Variants in PCMTD2 observed in about 807,000 individuals in gnomAD.
The protein encoded by PCMTD2 is protein-L-isoaspartate (D-aspartate) O-methyltransferase domain containing 2, also known as protein-L-isoaspartate O-methyltransferase domain-containing protein 2.
PCMTD2 carries 16 observed loss-of-function variants against 33.4 expected under a neutral mutation model. That is an observed-to-expected ratio of 0.48 (90% CI 0.32 to 0.73). PCMTD2 has a LOEUF of 0.73. Among genes scored for constraint, PCMTD2 ranks in the 30% least tolerant of loss-of-function variants. The pLI is 0.03. For synonymous variants in PCMTD2, 161 were observed against 160.8 expected, an observed-to-expected ratio of 1.00 and a Z score of -0.01; for missense variants, 374 against 449.9, an observed-to-expected ratio of 0.83 and a Z score of 1.53.
At chr20:64,267,290 G>C (rs1985702550) in intron 4 of PCMTD2, among the ~76,000 whole-genome samples, 1 of 152,144 alleles carries the variant, frequency 6.6e-6, no homozygotes, top group Non-Finnish European at 1.5e-5. Flanking sequence ...GTGCTTTCGT[G>C]GGGGTGATAT....
intron 4 of PCMTD2, among the ~76,000 whole-genome samples, chr20:64,267,019 T>C (rs755020785): frequency 9.9e-5 from 15 of 152,246 alleles, no homozygotes; most frequent in Admixed American, 6.5e-4. Flanking sequence ...CTTTTAGTTA[T>C]AAGATTCATG....
chr20:64,260,363 TG>T lies in PCMTD2; in HGVS notation c.307+94del. On this transcript the variant is annotated intron_variant, in intron 2 of 5. Coordinates refer to ENST00000308824, the MANE Select transcript of PCMTD2 (RefSeq NM_018257.3). ...AAATGTAGTCTGCTAATGGCCTGCC[TG>T]GGTCGAGACCGCAGCCTTCCCAGTA... is the stretch of plus-strand genomic sequence containing the variant. 3 of 882,198 alleles carry T rather than the reference TG, an allele frequency of 3.4e-6. No homozygotes were observed. The East Asian group carries it at 7.2e-5, about 21-fold the overall frequency. 54.6% of individuals were successfully genotyped at this position (882,198 alleles called of 1,614,324 possible).
In PCMTD2 at chr20:64,276,071, G is replaced by A. The variant is rs1986082958; in HGVS notation, c.*2471G>A. 6.6e-6 allele frequency: 1 copy of A among 152,082 alleles called. No homozygotes were observed. The allele number at this position is 152,082 out of a possible 1,614,324, so 9.4% of individuals were successfully genotyped here. The stretch of plus-strand genomic sequence containing the variant: ...GTGTAGGATTCCAATTCTTGAATAT[G>A]TTCTTTTCAAAATCTTAAGAAAAGA... On this transcript the variant is annotated 3_prime_UTR_variant, in exon 6 of 6. Coordinates refer to ENST00000308824, the MANE Select transcript of PCMTD2 (RefSeq NM_018257.3).
At chr20:64,259,134 AG>A (rs1264395237) in intron 1 of PCMTD2, among the ~76,000 whole-genome samples, 5 of 152,234 alleles carry the variant, frequency 3.3e-5, no homozygotes, top group Admixed American at 2.0e-4. Context: ...AAGTTCTGGT[AG>A]CAGCCCCTCC....
chr20:64,265,427 A>G lies in PCMTD2; in HGVS notation c.580A>G (p.Lys194Glu), dbSNP rs781463861. The G allele has an allele frequency of 6.2e-7, 1 of 1,609,540 alleles. No homozygotes were observed. Among genetic ancestry groups the G allele is most frequent in the Non-Finnish European group, 8.5e-7 (1 of 1,177,328 alleles). ...GGILVMPLEEKLTKITRTGPS... is the reference protein window; with the variant it reads ...GGILVMPLEEELTKITRTGPS... Reference sequence around the variant, plus strand: ...GATCCTTGTCATGCCACTGGAAGAGAAGGTCAGATTCCCTTCATAACTGAC... The same window carrying G: ...GATCCTTGTCATGCCACTGGAAGAGGAGGTCAGATTCCCTTCATAACTGAC... The change falls in exon 4 of 6, where the codon AAG (lysine) becomes GAG (glutamate). Residue 194 changes from lysine (K) to glutamate (E), a missense_variant and splice_region_variant. Lys to Glu is a moderately conservative substitution (Grantham distance 56). Transcript: ENST00000308824.
intron 2 of PCMTD2, among the ~76,000 whole-genome samples, chr20:64,263,776 C>T (rs1375136580): frequency 2.0e-5 from 3 of 152,122 alleles, no homozygotes; most frequent in South Asian, 2.1e-4. Flanking sequence ...TTGCCTTTGT[C>T]GGCAAAGATG....
At chr20:64,258,163 GC>G (rs778981473) in intron 1 of PCMTD2, among the ~76,000 whole-genome samples, 2 of 152,214 alleles carry the variant, frequency 1.3e-5, no homozygotes, top group Non-Finnish European at 2.9e-5. Flanking sequence ...CGATTTTCCA[GC>G]TCTTTTCCTA....
At position 64,268,008 on chromosome 20, in the gene PCMTD2, T is replaced by C; in HGVS notation, c.704T>C (p.Leu235Ser). 6.2e-7 allele frequency: 1 copy of C among 1,608,086 alleles called. No homozygotes were observed. Among genetic ancestry groups the C allele is most frequent in the Non-Finnish European group, 8.5e-7 (1 of 1,175,636 alleles). The change falls in exon 5 of 6, where the codon TTA becomes TCA. Residue 235 changes from leucine to serine, a missense_variant and splice_region_variant. Physicochemically the swap from Leu to Ser is moderately radical, Grantham distance 145. Coordinates refer to ENST00000308824, the MANE Select transcript of PCMTD2 (RefSeq NM_018257.3). Reference protein sequence around the residue: ...SESGKSRLVQLPPVAVRSLQD... With the variant: ...SESGKSRLVQSPPVAVRSLQD... ...TCAGGAAAATCAAGACTTGTCCAGT[T>C]ACGTAAGTATACCAATCTTTACTTA... is the stretch of plus-strand genomic sequence containing the variant.
rs1166561445 is a variant in PCMTD2, at chr20:64,256,014, C to T, written c.-25+144C>T. 2.0e-5 allele frequency: 3 copies of T among 152,298 alleles called. No individual in the cohort carries two copies. In the East Asian group the frequency reaches 5.8e-4, roughly 30 times the overall value. 9.4% of individuals were successfully genotyped at this position (152,298 alleles called of 1,614,324 possible). A position where few individuals can be genotyped will look rare whatever the true frequency, so the allele number is the denominator to read the frequency against. ...CCTCTGGGGGCGTCGCTCCTCCCCA[C>T]CTCGGGCACCCTCACCTCCCCCCAG... On this transcript the variant is annotated intron_variant, in intron 1 of 5. Coordinates refer to ENST00000308824, the MANE Select transcript of PCMTD2 (RefSeq NM_018257.3).
At chr20:64,270,040 TGA>T (rs1985837779) in intron 5 of PCMTD2, among the ~76,000 whole-genome samples, 3 of 108,900 alleles carry the variant, frequency 2.8e-5, no homozygotes, top group South Asian at 3.3e-4. Flanking sequence ...TGGGGTTGTG[TGA>T]GTGCATGGCG....
chr20:64,257,497 C>T (rs1055619546), intron 1 of PCMTD2, among the ~76,000 whole-genome samples: 1 of 152,164 alleles, frequency 6.6e-6, no homozygotes, highest in Non-Finnish European at 1.5e-5. Context: ...TTGGATTTGA[C>T]CAGATTGTAG....
rs1326775439 is a variant in PCMTD2 at position 64,275,865 on chromosome 20, G to T, written c.*2265G>T. ...TAGACTTGTGCAAAACAAGTTTCAA[G>T]TTTATAGATATTAAGTTTGTAATGT... is the stretch of plus-strand genomic sequence containing the variant. On this transcript the variant is annotated 3_prime_UTR_variant, in exon 6 of 6. Transcript: ENST00000308824. 4 of 152,146 alleles carry T rather than the reference G, an allele frequency of 2.6e-5. No individual in the cohort carries two copies. Among genetic ancestry groups the T allele is most frequent in the African/African-American group, 9.7e-5 (4 of 41,428 alleles). The allele number at this position is 152,146 out of a possible 1,614,324, so 9.4% of individuals were successfully genotyped here.
chr20:64,269,019 G>T (rs1985774111), intron 5 of PCMTD2, among the ~76,000 whole-genome samples: 2 of 152,224 alleles, frequency 1.3e-5, no homozygotes, highest in Admixed American at 6.5e-5. Context: ...ACCAGCAGTG[G>T]CAGGACATAA....
intron 5 of PCMTD2, chr20:64,272,172 T>G (rs1368217831): frequency 2.1e-6 from 1 of 486,070 alleles, no homozygotes; most frequent in African/African-American, 2.0e-5. Flanking sequence ...CAAGCCTGTT[T>G]GAGGGTTTCT....
chr20:64,261,602 G>GT (rs11474881), intron 2 of PCMTD2, among the ~76,000 whole-genome samples: 20 of 150,190 alleles, frequency 1.3e-4, no homozygotes, highest in East Asian at 4.0e-4. Flanking sequence ...TGATAATTTT[G>GT]TTTTTTTTTT....
chr20:64,273,114 A>T lies in PCMTD2; in HGVS notation c.707-107A>T, dbSNP rs1985972650. 1.9e-5 allele frequency: 17 copies of T among 874,560 alleles called. No individual in the cohort carries two copies. The South Asian group carries it at 2.7e-4, about 14-fold the overall frequency. 54.2% of individuals were successfully genotyped at this position (874,560 alleles called of 1,614,324 possible). On this transcript the variant is annotated intron_variant, in intron 5 of 5. Transcript: ENST00000308824. ...GCTCTCATATTCTTGTAACATATTC[A>T]TAAATTTGCCAGTTAATTGAAATGA...
At chr20:64,270,551 G>A (rs1985872669) in intron 5 of PCMTD2, among the ~76,000 whole-genome samples, 1 of 152,120 alleles carries the variant, frequency 6.6e-6, no homozygotes, top group South Asian at 2.1e-4. Flanking sequence ...GGCGTGCATG[G>A]TGTGGGATCG....
rs773551504 is a variant in PCMTD2 at position 64,273,255 on chromosome 20, T to A, written c.741T>A (p.Ala247=). Residue 247 remains alanine (A), a synonymous_variant, in exon 6 of 6, where the codon GCT becomes GCA. Transcript: ENST00000308824. ...PVAVRSLQDL[A]RIAIRGTIKK... ...CAGTTCGCAGCCTCCAGGACTTGGC[T>A]CGCATCGCCATCCGGGGCACCATTA... 30 of 1,613,972 alleles carry A rather than the reference T, an allele frequency of 1.9e-5. No homozygotes were observed. Among genetic ancestry groups the A allele is most frequent in the Non-Finnish European group, 2.5e-5 (30 of 1,179,974 alleles).
At position 64,260,162 on chromosome 20, in the gene PCMTD2, C is replaced by G; in HGVS notation, c.197C>G (p.Pro66Arg). The change falls in exon 2 of 6, where the codon CCG (proline) becomes CGG (arginine). Residue 66 changes from proline (P) to arginine (R), a missense_variant. Transcript: ENST00000308824. ...CATGGAAACATTCACCTCTCAGCCC[C>G]GTGCATCTACTCGGAGGTGATGGAA... ...WKHGNIHLSA[P>R]CIYSEVMEAL... The G allele has an allele frequency of 6.2e-7, 1 of 1,612,968 alleles. No homozygotes were observed. Among genetic ancestry groups the G allele is most frequent in the Non-Finnish European group, 8.5e-7 (1 of 1,178,956 alleles).
Sources: gnomAD v4.1 joint callset for allele counts (sites outside exome capture counted in the v4.1 genomes callset) on GRCh38, gnomAD v4.1.1 for gene constraint, MANE v1.5 for transcripts, NCBI Gene and HGNC (gene_info 2026-07-23, HGNC 2026-07-21) for gene names.